STK24: variants seen among roughly 807,000 people sequenced by gnomAD.
STK24 encodes the protein serine/threonine kinase 24, also known as serine/threonine-protein kinase 24.
A neutral mutation model predicts 55.6 loss-of-function variants in STK24; 21 were observed. That is an observed-to-expected ratio of 0.38 (90% CI 0.27 to 0.54). STK24 has a LOEUF of 0.54. Among genes scored for constraint, STK24 ranks in the 20% least tolerant of loss-of-function variants. STK24 has a pLI of 0.79. For synonymous variants in STK24, 200 were observed against 215.2 expected, an observed-to-expected ratio of 0.93 and a Z score of 0.62; for missense variants, 383 against 538.4, an observed-to-expected ratio of 0.71 and a Z score of 2.86.
chr13:98,518,638 C>T (rs1712888242), intron 2 of STK24, among the ~76,000 whole-genome samples: 1 of 152,170 alleles, frequency 6.6e-6, no homozygotes, highest in Admixed American at 6.5e-5. Flanking sequence ...AAAATGGTTC[C>T]ATGCAGGATC....
intron 2 of STK24, among the ~76,000 whole-genome samples, chr13:98,488,160 GACAC>G (rs71213678): frequency 0.032 from 4,150 of 130,344 alleles, 63 homozygotes; most frequent in Middle Eastern, 0.075. Flanking sequence ...AAGAGATGAA[GACAC>G]ACACACACAC....
In STK24 at chr13:98,452,478, A is replaced by G. The variant is rs1313755846; in HGVS notation, c.*695T>C. 1.3e-5 allele frequency: 2 copies of G among 152,670 alleles called. No homozygotes were observed. Among genetic ancestry groups the G allele is most frequent in the African/African-American group, 4.8e-5 (2 of 41,450 alleles). 9.5% of individuals were successfully genotyped at this position (152,670 alleles called of 1,614,324 possible). On this transcript the variant is annotated 3_prime_UTR_variant, in exon 11 of 11. Transcript: ENST00000539966. ...CGTAGGGCAAACGGGGAAAATTTGCATTTGTTGAGGTACAAATAGGAGTGT... is the reference window on the plus strand; with the variant it reads ...CGTAGGGCAAACGGGGAAAATTTGCGTTTGTTGAGGTACAAATAGGAGTGT...
chr13:98,508,628 T>G (rs1895777184), intron 2 of STK24, among the ~76,000 whole-genome samples: 1 of 152,148 alleles, frequency 6.6e-6, no homozygotes, highest in African/African-American at 2.4e-5. Flanking sequence ...ACAGGGGGTA[T>G]TTTAAAGGGG....
At chr13:98,548,729 G>C (rs979086474) in intron 1 of STK24, among the ~76,000 whole-genome samples, 9 of 152,066 alleles carry the variant, frequency 5.9e-5, no homozygotes, top group Middle Eastern at 3.4e-3. Context: ...AGGCATGGTG[G>C]CAGGCACCTG....
At chr13:98,550,793 T>C (rs1897138398) in intron 1 of STK24, among the ~76,000 whole-genome samples, 1 of 152,188 alleles carries the variant, frequency 6.6e-6, no homozygotes, top group Non-Finnish European at 1.5e-5. Flanking sequence ...CAATTCTAAG[T>C]ATGCAAAATA....
chr13:98,448,139 G>T lies in STK24; in HGVS notation c.*5034C>A. On this transcript the variant is annotated 3_prime_UTR_variant, in exon 11 of 11. Coordinates refer to ENST00000539966, the MANE Select transcript of STK24 (RefSeq NM_001032296.4). ...GAAGTGGCAGATTACCAACCAGGCG[G>T]CCTGACTTCACCTTGTGTTTCTGTA... is the stretch of plus-strand genomic sequence containing the variant. 10 of 1,020,626 alleles carry T rather than the reference G, an allele frequency of 9.8e-6. No homozygotes were observed. The highest frequency in any genetic ancestry group is 1.5e-5 in the Non-Finnish European group (10 of 646,436). 63.2% of individuals were successfully genotyped at this position (1,020,626 alleles called of 1,614,324 possible).
chr13:98,537,853 C>G (rs1300836299), intron 1 of STK24, among the ~76,000 whole-genome samples: 1 of 152,132 alleles, frequency 6.6e-6, no homozygotes, highest in Non-Finnish European at 1.5e-5. Flanking sequence ...CCTCAGCTGC[C>G]TCTTCTATAG....
rs1161284083 is a variant in STK24, at chr13:98,453,459, A to G, written c.1260-250T>C. 8.0e-6 allele frequency: 4 copies of G among 496,956 alleles called. No homozygotes were observed. In the East Asian group the frequency reaches 1.4e-4, roughly 17 times the overall value. 30.8% of individuals were successfully genotyped at this position (496,956 alleles called of 1,614,324 possible). On this transcript the variant is annotated intron_variant, in intron 10 of 10. Transcript: ENST00000539966. ...GAATGGGTTCAGCCTCCCTGGAGAG[A>G]TGTGAATAAAACGGGAAATCATATC...
chr13:98,509,348 G>A (rs1394992515), intron 2 of STK24, among the ~76,000 whole-genome samples: 1 of 152,110 alleles, frequency 6.6e-6, no homozygotes, highest in African/African-American at 2.4e-5. Context: ...GCCATGATTA[G>A]TCATGAGGGA....
chr13:98,473,653 G>A (rs991251557), intron 5 of STK24, among the ~76,000 whole-genome samples: 4 of 152,176 alleles, frequency 2.6e-5, no homozygotes, highest in African/African-American at 9.7e-5. Flanking sequence ...TGCTGTGTGG[G>A]TATGTGGGGG....
In STK24 at chr13:98,449,748, T is replaced by C. The variant is rs1893096291; in HGVS notation, c.*3425A>G. On this transcript the variant is annotated 3_prime_UTR_variant, in exon 11 of 11. Coordinates refer to ENST00000539966, the MANE Select transcript of STK24 (RefSeq NM_001032296.4). ...ATACCTCACGCCACAATCCAGCATA[T>C]TGATGTTTTAAGGCAAAACAACCAA... The C allele has an allele frequency of 1.3e-5, 2 of 152,318 alleles. No individual in the cohort carries two copies. The highest frequency in any genetic ancestry group is 2.1e-4 in the South Asian group (1 of 4,792). The allele number at this position is 152,318 out of a possible 1,614,324, so 9.4% of individuals were successfully genotyped here.
intron 1 of STK24, among the ~76,000 whole-genome samples, chr13:98,559,241 A>T (rs1322153207): frequency 2.9e-4 from 44 of 152,130 alleles, no homozygotes; most frequent in Admixed American, 2.9e-3. Flanking sequence ...CCCAAACCTC[A>T]TCCTGAATTG....
At chr13:98,460,990 G>A (rs1893679643) in intron 8 of STK24, among the ~76,000 whole-genome samples, 1 of 151,694 alleles carries the variant, frequency 6.6e-6, no homozygotes, top group East Asian at 1.9e-4. Context: ...TGAGGCTACA[G>A]TGAGCTCTGA....
chr13:98,525,903 C>T (rs2139394018), intron 1 of STK24, among the ~76,000 whole-genome samples: 1 of 152,378 alleles, frequency 6.6e-6, no homozygotes, highest in African/African-American at 2.4e-5. Context: ...TCTCTACTCA[C>T]AACTTTCCAA....
At chr13:98,517,046 T>C (rs1896091541) in intron 2 of STK24, among the ~76,000 whole-genome samples, 1 of 152,366 alleles carries the variant, frequency 6.6e-6, no homozygotes, top group African/African-American at 2.4e-5. Flanking sequence ...GTAAAGATCG[T>C]GCTAAGGAGC....
chr13:98,554,154 A>G (rs112534777), intron 1 of STK24, among the ~76,000 whole-genome samples: 2,367 of 152,132 alleles, frequency 0.016, 59 homozygotes, highest in African/African-American at 0.048. Context: ...TTTCTTGTCA[A>G]TAAAGCATTT....
At chr13:98,538,439 G>A (rs940210347) in intron 1 of STK24, among the ~76,000 whole-genome samples, 10 of 151,926 alleles carry the variant, frequency 6.6e-5, no homozygotes, top group South Asian at 2.1e-4. Context: ...TGGTCAAGCC[G>A]GTCTCAAACT....
chr13:98,564,774 A>C (rs1161637289), intron 1 of STK24, among the ~76,000 whole-genome samples: 2 of 152,268 alleles, frequency 1.3e-5, no homozygotes, highest in South Asian at 2.1e-4. Flanking sequence ...ACGCAGTAGC[A>C]TAAGCCTGTA....
rs56002700 is a variant in STK24 at position 98,488,205 on chromosome 13, ACG to A, written c.274-5886_274-5885del. ...CACACACACACACACACACACACAC[ACG>A]GGAAGACCACATGAGCACACAGGGA... On this transcript the variant is annotated intron_variant, in intron 2 of 10. Coordinates refer to ENST00000539966, the MANE Select transcript of STK24 (RefSeq NM_001032296.4). 2.3e-3 allele frequency among the ~76,000 whole-genome samples: 337 copies of A among 149,726 alleles called. 2 individuals are homozygous for A. Among genetic ancestry groups the A allele is most frequent in the African/African-American group, 8.0e-3 (325 of 40,426 alleles).
Sources: allele counts gnomAD v4.1 joint callset (sites outside exome capture counted in the v4.1 genomes callset), GRCh38; gene constraint gnomAD v4.1.1; transcripts MANE v1.5; gene names NCBI Gene and HGNC (gene_info 2026-07-23, HGNC 2026-07-21).